RALGAPA1: variants seen among roughly 807,000 people sequenced by gnomAD.
The protein encoded by RALGAPA1 is ral GTPase-activating protein subunit alpha-1.
In RALGAPA1, 52 loss-of-function variants were observed where a neutral mutation model predicts 269.6. The ratio of observed to expected loss-of-function variants is 0.19; its 90% CI spans 0.15 to 0.24. The LOEUF is 0.24. Ranked by LOEUF, RALGAPA1 falls within the 10% of genes least tolerant of loss-of-function variation. The probability of loss-of-function intolerance (pLI) is 1.00; values close to 1 mark genes in which losing one functional copy is unlikely to be tolerated. For synonymous variants in RALGAPA1, 817 were observed against 1,008.3 expected (o/e 0.81, Z 3.60); for missense variants, 1,917 against 3,013.9 (o/e 0.64, Z 8.52).
At chr14:35,617,547 G>A (rs1008944748) in intron 35 of RALGAPA1, among the ~76,000 whole-genome samples, 5 of 150,192 alleles carry the variant, frequency 3.3e-5, no homozygotes, top group African/African-American at 1.2e-4. Context: ...GAACCCCGAA[G>A]GCGGAGGTTG....
At chr14:35,546,964 A>C (rs1261965532) in intron 41 of RALGAPA1, among the ~76,000 whole-genome samples, 1 of 152,138 alleles carries the variant, frequency 6.6e-6, no homozygotes, top group African/African-American at 2.4e-5. Flanking sequence ...TTGAACTGAG[A>C]ACCACTCTGA....
chr14:35,773,760 G>T (rs1391127010), intron 3 of RALGAPA1, among the ~76,000 whole-genome samples: 1 of 151,950 alleles, frequency 6.6e-6, no homozygotes, highest in Non-Finnish European at 1.5e-5. Context: ...AAAATTAACT[G>T]CAGAACAGAT....
chr14:35,785,603 T>C (rs1025700089), intron 1 of RALGAPA1, among the ~76,000 whole-genome samples: 3 of 152,198 alleles, frequency 2.0e-5, no homozygotes, highest in Admixed American at 1.3e-4. Context: ...AGGACCAGTT[T>C]TTTTGTTTTG....
intron 33 of RALGAPA1, among the ~76,000 whole-genome samples, chr14:35,632,995 CAAAGGG>C (rs2061448181): frequency 6.6e-6 from 1 of 152,074 alleles, no homozygotes; most frequent in South Asian, 2.1e-4. Flanking sequence ...TGAGGAAGTC[CAAAGGG>C]AACAACTTGA....
intron 1 of RALGAPA1, among the ~76,000 whole-genome samples, chr14:35,787,377 A>G (rs912434567): frequency 2.0e-5 from 3 of 152,206 alleles, no homozygotes; most frequent in Admixed American, 2.0e-4. Context: ...AGGGAAGACG[A>G]CTGGGAACCT....
chr14:35,723,283 G>A lies in RALGAPA1; in HGVS notation c.1867-19C>T. On this transcript the variant is annotated intron_variant, in intron 14 of 41. Transcript: ENST00000680220. ...TAAGGGTCTATAAAGACAAATATCA[G>A]AAATAACAATAAAATGTGTTTAGTG... 2.9e-6 allele frequency: 4 copies of A among 1,367,498 alleles called. No homozygotes were observed. The highest frequency in any genetic ancestry group is 1.9e-5 in the Admixed American group (1 of 53,850). 84.7% of individuals were successfully genotyped at this position (1,367,498 alleles called of 1,614,324 possible). A position where few individuals can be genotyped will look rare whatever the true frequency, so the allele number is the denominator to read the frequency against.
At chr14:35,745,177 G>A (rs1173553488) in intron 10 of RALGAPA1, among the ~76,000 whole-genome samples, 2 of 152,022 alleles carry the variant, frequency 1.3e-5, no homozygotes, top group Non-Finnish European at 2.9e-5. Context: ...TTTACAATGA[G>A]AACTAACTGT....
At chr14:35,760,507 C>T (rs1359886027) in intron 6 of RALGAPA1, among the ~76,000 whole-genome samples, 1 of 152,226 alleles carries the variant, frequency 6.6e-6, no homozygotes, top group Admixed American at 6.5e-5. Flanking sequence ...TTGCCTGTTT[C>T]TTCCCATAGA....
intron 35 of RALGAPA1, among the ~76,000 whole-genome samples, chr14:35,610,231 C>T (rs2059843483): frequency 6.7e-6 from 1 of 150,368 alleles, no homozygotes; most frequent in Non-Finnish European, 1.5e-5. Flanking sequence ...CATTTGTATG[C>T]CAACAAATTA....
chr14:35,560,589 T>C (rs1319141654), intron 39 of RALGAPA1, among the ~76,000 whole-genome samples: 1 of 152,168 alleles, frequency 6.6e-6, no homozygotes, highest in Non-Finnish European at 1.5e-5. Context: ...GACCCCAAAT[T>C]GCTTAAGTTT....
chr14:35,714,830 T>A (rs2068666289), intron 16 of RALGAPA1, among the ~76,000 whole-genome samples: 1 of 152,226 alleles, frequency 6.6e-6, no homozygotes, highest in South Asian at 2.1e-4. Context: ...TTGTCTTTGT[T>A]TTACCCTCCA....
intron 40 of RALGAPA1, 92 bp downstream of exon 40, chr14:35,549,018 A>G (rs570031690): frequency 7.2e-7 from 1 of 1,392,828 alleles, no homozygotes. Flanking sequence ...TATTTCAATG[A>G]TTAGAATTTT....
intron 35 of RALGAPA1, among the ~76,000 whole-genome samples, chr14:35,613,534 G>A (rs1566824639): frequency 6.6e-6 from 1 of 152,194 alleles, no homozygotes; most frequent in Non-Finnish European, 1.5e-5. Flanking sequence ...CATAGACAGG[G>A]CCATGCACCT....
At chr14:35,611,250 C>T (rs1261529381) in intron 35 of RALGAPA1, among the ~76,000 whole-genome samples, 1 of 151,864 alleles carries the variant, frequency 6.6e-6, no homozygotes, top group African/African-American at 2.4e-5. Context: ...AATCCCAGCA[C>T]TTAGGGAGGC....
chr14:35,657,780 C>T (rs1026336850), intron 28 of RALGAPA1, among the ~76,000 whole-genome samples: 16 of 151,282 alleles, frequency 1.1e-4, no homozygotes, highest in Middle Eastern at 3.5e-3. Flanking sequence ...AATTGTGCAT[C>T]TAAAAAGCCT....
chr14:35,660,519 T>C (rs764956745), intron 27 of RALGAPA1, among the ~76,000 whole-genome samples: 2 of 151,842 alleles, frequency 1.3e-5, no homozygotes, highest in Non-Finnish European at 2.9e-5. Context: ...CAGAAATAAA[T>C]AGAAACATAT....
intron 6 of RALGAPA1, among the ~76,000 whole-genome samples, chr14:35,757,861 T>G (rs2073324624): frequency 6.6e-6 from 1 of 152,182 alleles, no homozygotes; most frequent in South Asian, 2.1e-4. Context: ...AGATTTCAGT[T>G]TTTAAATAAT....
rs2059785654 is a variant in RALGAPA1 at position 35,609,371 on chromosome 14, A to AATGAAG, written c.6930-3663_6930-3662insCTTCAT. Among the ~76,000 whole-genome samples the AATGAAG allele has an allele frequency of 1.3e-5, 2 of 152,236 alleles. 1 individual carries two copies. The highest frequency in any genetic ancestry group is 1.3e-4 in the Admixed American group (2 of 15,288). ...TTTGGGTAATTCACAAATGTGTGAA[A>AATGAAG]ATGTAACAATTTACTCCTAAATTAC... On this transcript the variant is annotated intron_variant, in intron 35 of 41. Transcript: ENST00000680220.
rs774354000 is a variant in RALGAPA1, at chr14:35,689,676, C to T, written c.2735G>A (p.Cys912Tyr). The change falls in exon 18 of 42, where the codon TGT becomes TAT. Residue 912 changes from cysteine to tyrosine, a missense_variant. Cys to Tyr is a radical substitution (Grantham distance 194). This residue lies in a region of RALGAPA1 where 615 missense variants were observed against 790.0 expected (regional missense o/e 0.78). Coordinates refer to ENST00000680220, the MANE Select transcript of RALGAPA1 (RefSeq NM_001346249.2). ...EVGDSIYDHLCHLIGPVELAD... is the reference protein window; with the variant it reads ...EVGDSIYDHLYHLIGPVELAD... ...AAGTTCTACTGGACCTATTAAATGA[C>T]AAAGATGGTCATATATGCTATCACC... 223 of 1,333,740 alleles carry T rather than the reference C, an allele frequency of 1.7e-4. No homozygotes were observed. The highest frequency in any genetic ancestry group is 5.6e-4 in the Middle Eastern group (2 of 3,550). The allele number at this position is 1,333,740 out of a possible 1,614,324, so 82.6% of individuals were successfully genotyped here.
Sources: allele counts gnomAD v4.1 joint callset (sites outside exome capture counted in the v4.1 genomes callset), GRCh38; gene constraint gnomAD v4.1.1; regional missense constraint gnomAD v4.1.1; transcripts MANE v1.5; gene names NCBI Gene and HGNC (gene_info 2026-07-23, HGNC 2026-07-21).